The following KCNC2 variants were observed in gnomAD, a reference collection of about 807,000 sequenced individuals.
The protein encoded by KCNC2 is potassium voltage-gated channel subfamily C member 2.
A neutral mutation model predicts 44.5 loss-of-function variants in KCNC2; 21 were observed. The ratio of observed to expected loss-of-function variants is 0.47; its 90% CI spans 0.33 to 0.68. The LOEUF (loss-of-function observed/expected upper bound fraction) is 0.68, where lower values mean the gene tolerates loss of function less well. KCNC2 is among the 30% of genes least tolerant of loss of function. KCNC2 has a pLI of 0.01. For synonymous variants in KCNC2, 391 were observed against 339.1 expected, an observed-to-expected ratio of 1.15 and a Z score of -1.68; for missense variants, 589 against 826.2, an observed-to-expected ratio of 0.71 and a Z score of 3.52.
intron 3 of KCNC2, among the ~76,000 whole-genome samples, chr12:75,048,848 A>G (rs1880849729): frequency 6.6e-6 from 1 of 152,124 alleles, no homozygotes; most frequent in Non-Finnish European, 1.5e-5. Flanking sequence ...AAGCGGCAAG[A>G]TATTTTTGAG....
intron 2 of KCNC2, among the ~76,000 whole-genome samples, chr12:75,105,867 T>G (rs544901336): frequency 1.3e-5 from 2 of 151,954 alleles, no homozygotes; most frequent in East Asian, 1.9e-4. Flanking sequence ...AGAATCTAGG[T>G]TTTGGGGAAG....
rs1320537968 is a variant in KCNC2 at position 75,048,321 on chromosome 12, G to T, written c.1616-4C>A. ...GTACTGTCGTCACCTGATAACACTG[G>T]TCACAGCACCATGCCCATTGACAGA... On this transcript the variant is annotated splice_region_variant and splice_polypyrimidine_tract_variant and intron_variant, in intron 3 of 4. Transcript: ENST00000549446. The T allele has an allele frequency of 6.2e-7, 1 of 1,605,510 alleles. No homozygotes were observed. The highest frequency in any genetic ancestry group is 8.5e-7 in the Non-Finnish European group (1 of 1,176,420).
At chr12:75,053,140 C>A (rs1272394813) in intron 2 of KCNC2, among the ~76,000 whole-genome samples, 1 of 152,018 alleles carries the variant, frequency 6.6e-6, no homozygotes, top group Admixed American at 6.6e-5. Context: ...ATCAGTTATC[C>A]TCTATTCATA....
intron 2 of KCNC2, among the ~76,000 whole-genome samples, chr12:75,143,928 G>A (rs1725830857): frequency 6.6e-6 from 1 of 152,098 alleles, no homozygotes; most frequent in Non-Finnish European, 1.5e-5. Context: ...TAATATGTCT[G>A]CTGACATATC....
At chr12:75,164,514 G>C (rs185968208) in intron 2 of KCNC2, among the ~76,000 whole-genome samples, 1 of 151,646 alleles carries the variant, frequency 6.6e-6, no homozygotes, top group South Asian at 2.1e-4. Context: ...AGTAGCCACT[G>C]TTCCTGCAGG....
At chr12:75,137,753 C>T (rs1173948927) in intron 2 of KCNC2, among the ~76,000 whole-genome samples, 1 of 152,142 alleles carries the variant, frequency 6.6e-6, no homozygotes, top group Admixed American at 6.5e-5. Context: ...GCTTAGATTC[C>T]CTTTCTCAGT....
At chr12:75,186,527 T>C (rs1892964889) in intron 2 of KCNC2, among the ~76,000 whole-genome samples, 1 of 152,178 alleles carries the variant, frequency 6.6e-6, no homozygotes, top group Non-Finnish European at 1.5e-5. Context: ...AAAAAAAGGT[T>C]ATTATTATAA....
At chr12:75,081,301 C>T (rs185536754) in intron 2 of KCNC2, among the ~76,000 whole-genome samples, 163 of 151,656 alleles carry the variant, frequency 1.1e-3, no homozygotes, top group African/African-American at 3.4e-3. Context: ...GAATTCCTAG[C>T]AATTTGGATT....
At chr12:75,058,849 G>A (rs73357074) in intron 2 of KCNC2, among the ~76,000 whole-genome samples, 4,230 of 152,122 alleles carry the variant, frequency 0.028, 218 homozygotes, top group African/African-American at 0.095. Context: ...AGACCCACCT[G>A]TAGCTCCAAT....
chr12:75,148,604 A>G (rs1317231474), intron 2 of KCNC2, among the ~76,000 whole-genome samples: 3 of 152,078 alleles, frequency 2.0e-5, no homozygotes, highest in Non-Finnish European at 4.4e-5. Flanking sequence ...AAAAGAAGAT[A>G]TATGCTGTGT....
chr12:75,061,406 G>T (rs767849149), intron 2 of KCNC2, among the ~76,000 whole-genome samples: 2 of 152,028 alleles, frequency 1.3e-5, no homozygotes, highest in Admixed American at 6.6e-5. Context: ...GAGATTAGCA[G>T]TCAATTTATG....
Position 75,076,973 on chromosome 12 carries a change from T to G in KCNC2, c.688-25656A>C, listed in dbSNP as rs996604780. Among the ~76,000 whole-genome samples, 10 of 152,110 alleles carry G rather than the reference T, an allele frequency of 6.6e-5. No homozygotes were observed. In the East Asian group the frequency reaches 1.9e-3, roughly 29 times the overall value. On this transcript the variant is annotated intron_variant, in intron 2 of 4. Coordinates refer to ENST00000549446, the MANE Select transcript of KCNC2 (RefSeq NM_139137.4). ...TCAGCAACTTTTAGTAGTAGATTAT[T>G]TGTTGTTTGTTTTCTAAAAAATCTT...
At chr12:75,134,474 T>G (rs192181329) in intron 2 of KCNC2, among the ~76,000 whole-genome samples, 3 of 152,006 alleles carry the variant, frequency 2.0e-5, no homozygotes, top group East Asian at 3.9e-4. Flanking sequence ...ATATTGAAAT[T>G]TCAGGAAAAT....
chr12:75,143,395 A>G (rs911664412), intron 2 of KCNC2, among the ~76,000 whole-genome samples: 6 of 152,158 alleles, frequency 3.9e-5, no homozygotes, highest in African/African-American at 1.4e-4. Context: ...TGCTGCTACA[A>G]CTTCTCAGAG....
intron 2 of KCNC2, among the ~76,000 whole-genome samples, chr12:75,120,240 C>T (rs1887959869): frequency 6.6e-6 from 1 of 152,186 alleles, no homozygotes; most frequent in African/African-American, 2.4e-5. Flanking sequence ...CACGGTATAG[C>T]TACAGTGTCT....
intron 2 of KCNC2, among the ~76,000 whole-genome samples, chr12:75,205,977 G>A (rs1440920190): frequency 1.3e-5 from 2 of 149,512 alleles, no homozygotes; most frequent in Admixed American, 6.7e-5. Context: ...TAGAATTTAT[G>A]TATGCATTTA....
intron 2 of KCNC2, among the ~76,000 whole-genome samples, chr12:75,186,084 T>TAAAC (rs1335080908): frequency 6.7e-6 from 1 of 150,028 alleles, no homozygotes; most frequent in African/African-American, 2.4e-5. Flanking sequence ...AATAAATAAA[T>TAAAC]AAATAAATAA....
chr12:75,104,590 G>A (rs141226261), intron 2 of KCNC2, among the ~76,000 whole-genome samples: 1 of 151,974 alleles, frequency 6.6e-6, no homozygotes, highest in East Asian at 1.9e-4. Context: ...TTCTGAGCAT[G>A]GTTTTAAAAT....
chr12:75,133,586 C>A (rs1476358597), intron 2 of KCNC2, among the ~76,000 whole-genome samples: 1 of 151,922 alleles, frequency 6.6e-6, no homozygotes, highest in Non-Finnish European at 1.5e-5. Flanking sequence ...AACCCTCAAG[C>A]CCAAACCATA....
Sources: gnomAD v4.1 joint callset for allele counts (sites outside exome capture counted in the v4.1 genomes callset) on GRCh38, gnomAD v4.1.1 for gene constraint, MANE v1.5 for transcripts, NCBI Gene and HGNC (gene_info 2026-07-23, HGNC 2026-07-21) for gene names.